CDK19: variants seen among roughly 807,000 people sequenced by gnomAD.
The protein encoded by CDK19 is cyclin dependent kinase 19, also known as cyclin-dependent kinase 19.
In CDK19, 20 loss-of-function variants were observed where a neutral mutation model predicts 68.3. That is an observed-to-expected ratio of 0.29 (90% CI 0.21 to 0.43). CDK19 has a LOEUF of 0.43. CDK19 is among the 20% of genes least tolerant of loss of function. The probability of loss-of-function intolerance (pLI) is 1.00; values close to 1 mark genes in which losing one functional copy is unlikely to be tolerated. For synonymous variants in CDK19, 221 were observed against 222.8 expected (o/e 0.99, Z 0.07); for missense variants, 339 against 623.5 (o/e 0.54, Z 4.86).
intron 12 of CDK19, among the ~76,000 whole-genome samples, chr6:110,620,229 T>C (rs1778618923): frequency 6.6e-6 from 1 of 152,158 alleles, no homozygotes; most frequent in Admixed American, 6.5e-5. Flanking sequence ...ATGCAGCTAT[T>C]TGTTATGTCT....
intron 2 of CDK19, among the ~76,000 whole-genome samples, chr6:110,724,877 T>C (rs1373239703): frequency 6.6e-6 from 1 of 151,946 alleles, no homozygotes; most frequent in Admixed American, 6.6e-5. Flanking sequence ...GAAAATGAAA[T>C]ATACAAAATT....
At chr6:110,716,705 T>A (rs1236342746) in intron 2 of CDK19, among the ~76,000 whole-genome samples, 2 of 152,188 alleles carry the variant, frequency 1.3e-5, no homozygotes, top group Admixed American at 6.5e-5. Flanking sequence ...TAGATATAGA[T>A]ATATAGAGAA....
chr6:110,734,269 G>A (rs1173718764), intron 2 of CDK19, among the ~76,000 whole-genome samples: 7 of 151,956 alleles, frequency 4.6e-5, no homozygotes, highest in Admixed American at 2.0e-4. Context: ...CTCAGCCTCC[G>A]AAAGTGCTGG....
At chr6:110,746,072 A>T in intron 2 of CDK19, 54 bp downstream of exon 2, 2 of 867,092 alleles carry the variant, frequency 2.3e-6, no homozygotes, top group Non-Finnish European at 1.7e-6. Context: ...TATTAAAATA[A>T]ATCATCACCC....
intron 6 of CDK19, among the ~76,000 whole-genome samples, chr6:110,631,810 AC>A (rs1321451166): frequency 6.6e-6 from 1 of 152,226 alleles, no homozygotes; most frequent in East Asian, 1.9e-4. Context: ...AGATACTGAT[AC>A]CTCTATTCTC....
chr6:110,768,199 C>T (rs1779725597), intron 1 of CDK19, among the ~76,000 whole-genome samples: 1 of 152,204 alleles, frequency 6.6e-6, no homozygotes, highest in African/African-American at 2.4e-5. Flanking sequence ...CACCACTGTA[C>T]ACCCACTAGC....
chr6:110,705,705 A>G (rs574399338), intron 2 of CDK19, among the ~76,000 whole-genome samples: 15 of 152,370 alleles, frequency 9.8e-5, no homozygotes, highest in African/African-American at 3.6e-4. Flanking sequence ...AAGCGGAAAC[A>G]GATAACAATT....
At chr6:110,812,742 T>A (rs564074594) in intron 1 of CDK19, among the ~76,000 whole-genome samples, 2 of 149,952 alleles carry the variant, frequency 1.3e-5, no homozygotes. Context: ...TAGAAAGAGC[T>A]AAACTGTAAT....
At chr6:110,684,578 A>G (rs1462645025) in intron 2 of CDK19, among the ~76,000 whole-genome samples, 2 of 152,092 alleles carry the variant, frequency 1.3e-5, no homozygotes, top group African/African-American at 4.8e-5. Flanking sequence ...TCCATTCCAC[A>G]GTTTTTCTTA....
At chr6:110,807,146 A>T (rs768793073) in intron 1 of CDK19, among the ~76,000 whole-genome samples, 1,940 of 136,818 alleles carry the variant, frequency 0.014, 22 homozygotes, top group Middle Eastern at 0.057. Context: ...CAAATAATTT[A>T]AAAAAAAAAA....
At chr6:110,734,760 G>A (rs1777110035) in intron 2 of CDK19, among the ~76,000 whole-genome samples, 1 of 151,866 alleles carries the variant, frequency 6.6e-6, no homozygotes, top group Admixed American at 6.6e-5. Context: ...ATTATACAGT[G>A]TTGAAAATGG....
intron 2 of CDK19, among the ~76,000 whole-genome samples, chr6:110,741,469 T>A (rs1225766810): frequency 3.4e-5 from 5 of 147,342 alleles, no homozygotes; most frequent in African/African-American, 1.3e-4. Flanking sequence ...TCAAACAAAA[T>A]AAAATAAAAT....
At chr6:110,720,750 C>G (rs2114740011) in intron 2 of CDK19, among the ~76,000 whole-genome samples, 1 of 151,638 alleles carries the variant, frequency 6.6e-6, no homozygotes, top group African/African-American at 2.4e-5. Context: ...ACCTGTAGTC[C>G]CAGCTACTTG....
At chr6:110,791,178 A>G (rs2115069361) in intron 1 of CDK19, among the ~76,000 whole-genome samples, 1 of 151,998 alleles carries the variant, frequency 6.6e-6, no homozygotes, top group Admixed American at 6.5e-5. Flanking sequence ...CTCAAAAAAA[A>G]AAAAATTTAA....
intron 1 of CDK19, among the ~76,000 whole-genome samples, chr6:110,776,158 G>C (rs772052864): frequency 1.3e-5 from 2 of 152,200 alleles, no homozygotes; most frequent in Non-Finnish European, 2.9e-5. Context: ...GCCAGGCGCA[G>C]TGGCTCATGC....
intron 5 of CDK19, among the ~76,000 whole-genome samples, chr6:110,636,441 C>T (rs1179218796): frequency 6.6e-6 from 1 of 152,126 alleles, no homozygotes; most frequent in East Asian, 1.9e-4. Flanking sequence ...GAACAGAAGG[C>T]AAAGTCACAG....
At chr6:110,660,248 C>T (rs773174586) in intron 4 of CDK19, among the ~76,000 whole-genome samples, 3 of 152,102 alleles carry the variant, frequency 2.0e-5, no homozygotes, top group Non-Finnish European at 1.5e-5. Context: ...TCCACTCACT[C>T]GACCTGCTCT....
At chr6:110,743,225 T>C (rs1003483836) in intron 2 of CDK19, among the ~76,000 whole-genome samples, 1 of 152,216 alleles carries the variant, frequency 6.6e-6, no homozygotes, top group East Asian at 1.9e-4. Context: ...ATACCATCCA[T>C]GGTAAACTTG....
chr6:110,640,868 G>A (rs1426199721), intron 4 of CDK19, among the ~76,000 whole-genome samples: 2 of 151,976 alleles, frequency 1.3e-5, no homozygotes, highest in African/African-American at 4.8e-5. Flanking sequence ...GAGGTGAGAG[G>A]ACTGCTTGAG....
Sources: gnomAD v4.1 joint callset for allele counts (sites outside exome capture counted in the v4.1 genomes callset) on GRCh38, gnomAD v4.1.1 for gene constraint, MANE v1.5 for transcripts, NCBI Gene and HGNC (gene_info 2026-07-23, HGNC 2026-07-21) for gene names.